VNN1: variants seen among roughly 807,000 people sequenced by gnomAD.
VNN1 encodes pantetheinase.
A neutral mutation model predicts 41.9 loss-of-function variants in VNN1; 29 were observed. That is an observed-to-expected ratio of 0.69 (90% CI 0.52 to 0.94). The LOEUF (loss-of-function observed/expected upper bound fraction) is 0.94. Among genes scored for constraint, VNN1 ranks in the 40% least tolerant of loss-of-function variants. VNN1 has a pLI of 0.00. For synonymous variants in VNN1, 233 were observed against 224.4 expected (o/e 1.04, Z -0.34); for missense variants, 637 against 621.1 (o/e 1.03, Z -0.27).
chr6:132,695,589 CATTTTTG>C (rs1263984566), intron 2 of VNN1, among the ~76,000 whole-genome samples: 1 of 152,188 alleles, frequency 6.6e-6, no homozygotes, highest in Non-Finnish European at 1.5e-5. Flanking sequence ...ACAGACACAC[CATTTTTG>C]CAGGCCCTCT....
At chr6:132,687,800 T>C (rs1055166630) in intron 5 of VNN1, among the ~76,000 whole-genome samples, 5 of 152,226 alleles carry the variant, frequency 3.3e-5, no homozygotes, top group African/African-American at 9.6e-5. Flanking sequence ...TTGGAAGATA[T>C]GGGGTTTTAA....
intron 3 of VNN1, 49 bp downstream of exon 3, chr6:132,693,941 T>C: frequency 5.0e-6 from 8 of 1,602,026 alleles, no homozygotes; most frequent in Non-Finnish European, 6.8e-6. Flanking sequence ...CTTGCCCACT[T>C]TATTTCATTA....
intron 2 of VNN1, among the ~76,000 whole-genome samples, chr6:132,701,487 A>G (rs1389581987): frequency 1.3e-5 from 2 of 152,218 alleles, no homozygotes; most frequent in Non-Finnish European, 2.9e-5. Flanking sequence ...AAGAACTGTA[A>G]CAAGACAAGG....
Position 132,713,934 on chromosome 6 carries a change from C to A in VNN1, c.102G>T (p.Ala34=), listed in dbSNP as rs369776512. ...TFTAAVYEHA[A]ILPNATLTPV... The stretch of plus-strand genomic sequence containing the variant: ...GTGTTAGGGTGGCATTGGGCAATAT[C>A]GCTGCATGCTCATAAACAGCTGCAG... The change falls in exon 1 of 7, where the codon GCG becomes GCT. Residue 34 remains alanine, a synonymous_variant. Coordinates refer to ENST00000367928, the MANE Select transcript of VNN1 (RefSeq NM_004666.3). The A allele has an allele frequency of 9.3e-6, 15 of 1,614,030 alleles. No individual in the cohort carries two copies. The African/African-American group carries it at 1.6e-4, about 17-fold the overall frequency.
chr6:132,703,745 A>C lies in VNN1; in HGVS notation c.341+7964T>G, dbSNP rs375744333. 4.6e-5 allele frequency among the ~76,000 whole-genome samples: 7 copies of C among 152,280 alleles called. No individual in the cohort carries two copies. The East Asian group carries it at 1.3e-3, about 29-fold the overall frequency. On this transcript the variant is annotated intron_variant, in intron 2 of 6. Coordinates refer to ENST00000367928, the MANE Select transcript of VNN1 (RefSeq NM_004666.3). ...GTAAATGGTCTAAACTCTCCAATCA[A>C]AAGACATAGAGTGGCTAAATGGATA...
chr6:132,694,271 A>G, intron 2 of VNN1, 89 bp from the exon 3 acceptor site: 1 of 1,255,300 alleles, frequency 8.0e-7, no homozygotes, highest in Non-Finnish European at 1.1e-6. Context: ...TAAACCTATT[A>G]TTTGATATAT....
chr6:132,709,250 C>A (rs4302684), intron 2 of VNN1, among the ~76,000 whole-genome samples: 18,397 of 151,936 alleles, frequency 0.12, 1,590 homozygotes, highest in South Asian at 0.23. Context: ...CTTTTTAAAA[C>A]ATTTATTACC....
At chr6:132,692,135 T>TA (rs1778295748) in intron 5 of VNN1, 88 bp downstream of exon 5, 1 of 1,392,224 alleles carries the variant, frequency 7.2e-7, no homozygotes, top group Non-Finnish European at 9.4e-7. Context: ...ATGCTTATAC[T>TA]AAAAAATCAT....
intron 2 of VNN1, among the ~76,000 whole-genome samples, chr6:132,695,709 G>A (rs1200240748): frequency 2.0e-5 from 3 of 152,006 alleles, no homozygotes; most frequent in African/African-American, 2.4e-5. Flanking sequence ...TAAGGAATAA[G>A]CAATTAAATA....
intron 2 of VNN1, among the ~76,000 whole-genome samples, chr6:132,711,327 A>G (rs1778596234): frequency 6.6e-6 from 1 of 152,194 alleles, no homozygotes; most frequent in African/African-American, 2.4e-5. Flanking sequence ...ACTTTACTAC[A>G]TTAACCTCAT....
intron 5 of VNN1, among the ~76,000 whole-genome samples, chr6:132,690,811 T>C (rs913058976): frequency 5.3e-5 from 8 of 152,192 alleles, no homozygotes; most frequent in Non-Finnish European, 1.0e-4. Flanking sequence ...CAGTCTCAAA[T>C]AAGTAAGTGA....
chr6:132,690,559 C>T (rs115179270), intron 5 of VNN1, among the ~76,000 whole-genome samples: 173 of 152,312 alleles, frequency 1.1e-3, no homozygotes, highest in African/African-American at 4.0e-3. Context: ...GTGCATTCTA[C>T]GGACAATCAC....
chr6:132,713,745 A>T (rs902670099), intron 1 of VNN1, 81 bp downstream of exon 1: 25 of 1,450,560 alleles, frequency 1.7e-5, no homozygotes, highest in Non-Finnish European at 2.2e-5. Flanking sequence ...AGTGTAACTG[A>T]CCCTGACAGT....
intron 2 of VNN1, among the ~76,000 whole-genome samples, chr6:132,697,571 A>C (rs1778391662): frequency 6.6e-6 from 1 of 151,856 alleles, no homozygotes; most frequent in Non-Finnish European, 1.5e-5. Context: ...CTATTGCACA[A>C]CTCTGAAATG....
At chr6:132,699,258 A>T (rs1778417172) in intron 2 of VNN1, 4 of 257,764 alleles carry the variant, frequency 1.6e-5, no homozygotes, top group South Asian at 1.5e-4. Context: ...CTACAACTCC[A>T]CTATTCACTC....
chr6:132,694,141 G>T lies in VNN1; in HGVS notation c.383C>A (p.Ala128Asp). 6.2e-7 allele frequency: 1 copy of T among 1,613,080 alleles called. No homozygotes were observed. The highest frequency in any genetic ancestry group is 8.5e-7 in the Non-Finnish European group (1 of 1,179,518). ...TPVQERLSCLAKNNSIYVVAN... is the reference protein window; with the variant it reads ...TPVQERLSCLDKNNSIYVVAN... ...CACAACATAGATAGAGTTGTTCTTG[G>T]CCAGGCAGCTGAGTCTTTCTTGTAC... The change falls in exon 3 of 7, where the codon GCC (alanine) becomes GAC (aspartate). Residue 128 changes from alanine (A) to aspartate (D), a missense_variant. Transcript: ENST00000367928.
intron 2 of VNN1, 110 bp downstream of exon 2, chr6:132,711,599 A>T: frequency 7.8e-7 from 1 of 1,289,678 alleles, no homozygotes; most frequent in Non-Finnish European, 1.1e-6. Flanking sequence ...AATAAGCTAT[A>T]CTGAAACTTA....
intron 2 of VNN1, among the ~76,000 whole-genome samples, chr6:132,696,370 C>G (rs929728379): frequency 1.3e-5 from 2 of 152,054 alleles, no homozygotes; most frequent in Non-Finnish European, 2.9e-5. Context: ...CTGTGGGAGT[C>G]TCAGAAGGAG....
chr6:132,690,151 A>G (rs919876773), intron 5 of VNN1, among the ~76,000 whole-genome samples: 9 of 152,202 alleles, frequency 5.9e-5, no homozygotes, highest in Non-Finnish European at 7.3e-5. Context: ...TCTTTGCTCC[A>G]TCATCTACAG....
Sources: gnomAD v4.1 joint callset for allele counts (sites outside exome capture counted in the v4.1 genomes callset) on GRCh38, gnomAD v4.1.1 for gene constraint, MANE v1.5 for transcripts, NCBI Gene and HGNC (gene_info 2026-07-23, HGNC 2026-07-21) for gene names.